Variants in COMMD5 observed in about 807,000 individuals in gnomAD.
COMMD5 encodes COMM domain containing 5, also known as COMM domain-containing protein 5.
Under a neutral mutation model 6.9 loss-of-function variants are expected in COMMD5, and 10 were observed. The observed-to-expected ratio is 1.44, with a 90% CI of 0.89 to 2.45. The LOEUF (loss-of-function observed/expected upper bound fraction) is 2.45, where lower values mean the gene tolerates loss of function less well. COMMD5 is among the 30% of genes most tolerant of loss of function. COMMD5 has a pLI of 0.00. For missense variants in COMMD5, 234 were observed against 287.8 expected (o/e 0.81, Z 1.35); for synonymous variants, 127 against 125.3 (o/e 1.01, Z -0.09).
At chr8:144,843,076 A>C in intron 1 of COMMD5, 1 of 1,613,976 alleles carries the variant, frequency 6.2e-7, no homozygotes, top group Non-Finnish European at 8.5e-7. Context: ...GAGAATTCAC[A>C]CCGGGGAGAA....
chr8:144,842,874 C>T, intron 1 of COMMD5: 1 of 1,614,196 alleles, frequency 6.2e-7, no homozygotes, highest in Non-Finnish European at 8.5e-7. Context: ...GTGGAAAAGC[C>T]TTCAGCCGGA....
At chr8:144,845,900 C>A, downstream of COMMD5, 1 of 1,419,972 alleles carries the variant, frequency 7.0e-7, no homozygotes, top group Admixed American at 2.1e-5. Context: ...TGAGAAGGGT[C>A]TTGGCAGGTA....
chr8:144,843,318 G>A lies in COMMD5; in HGVS notation c.*117-1575C>T, dbSNP rs555157298. Reference sequence around the variant, plus strand: ...GAATATCCAACTTCAGGCCGAGTGTGGTGGCTTATGCCTGTCATCCCAGCA... The same window carrying A: ...GAATATCCAACTTCAGGCCGAGTGTAGTGGCTTATGCCTGTCATCCCAGCA... On this transcript the variant is annotated intron_variant and NMD_transcript_variant, in intron 1 of 1. Coordinates refer to the COMMD5 transcript ENST00000530332. The A allele has an allele frequency of 1.9e-3, 1,971 of 1,028,602 alleles. 7 individuals are homozygous for A. The highest frequency in any genetic ancestry group is 2.4e-3 in the Non-Finnish European group (1,779 of 734,716). The allele number at this position is 1,028,602 out of a possible 1,614,324, so 63.7% of individuals were successfully genotyped here.
At chr8:144,841,238 C>T in exon 2 of COMMD5, 1 of 1,047,882 alleles carries the variant, frequency 9.5e-7, no homozygotes, top group South Asian at 1.6e-5. Flanking sequence ...CACCTGGGGC[C>T]TCACAGTGCT....
rs1830715495 is a variant in COMMD5 at position 144,851,009 on chromosome 8, C to T, written c.330G>A (p.Arg110=). The T allele has an allele frequency of 1.2e-6, 2 of 1,612,510 alleles. No homozygotes were observed. Among genetic ancestry groups the T allele is most frequent in the Non-Finnish European group, 1.7e-6 (2 of 1,179,758 alleles). Residue 110 remains arginine (R), a synonymous_variant, in exon 2 of 2, where the codon AGG becomes AGA. Transcript: ENST00000305103. ...PPTSLKPDTF[R]DQLQELCIPQ... is the part of the protein sequence containing the mutation. ...GGATGCAGAGCTCCTGGAGCTGGTC[C>T]CTGAAGGTGTCAGGCTTCAGGCTGG... is the stretch of plus-strand genomic sequence containing the variant.
chr8:144,843,438 T>C (rs551460076), intron 1 of COMMD5: 4 of 275,424 alleles, frequency 1.5e-5, no homozygotes, highest in African/African-American at 4.4e-5. Context: ...AATACAAAAA[T>C]TTAGCTGGGC....
At chr8:144,844,593 T>C (rs1830389232) in intron 1 of COMMD5, among the ~76,000 whole-genome samples, 1 of 151,096 alleles carries the variant, frequency 6.6e-6, no homozygotes, top group Admixed American at 6.6e-5. Flanking sequence ...ACCTGTAGTC[T>C]CAGCTACTTG....
downstream of COMMD5, among the ~76,000 whole-genome samples, chr8:144,845,485 T>C (rs1179468782): frequency 6.6e-6 from 1 of 152,174 alleles, no homozygotes; most frequent in Non-Finnish European, 1.5e-5. Context: ...GCGTGGCTGA[T>C]GGCAGGTGGC....
intron 1 of COMMD5, among the ~76,000 whole-genome samples, chr8:144,844,438 T>C (rs143985564): frequency 0.016 from 2,375 of 151,960 alleles, 67 homozygotes; most frequent in African/African-American, 0.054. Flanking sequence ...GGGCCGGGCG[T>C]GGTGGCTCAC....
At chr8:144,843,382 G>A (rs1490962636) in intron 1 of COMMD5, 7 of 499,916 alleles carry the variant, frequency 1.4e-5, no homozygotes, top group Non-Finnish European at 2.4e-5. Context: ...GAGGTCAGGA[G>A]GTTGAGACCA....
chr8:144,851,487 G>T lies in COMMD5; in HGVS notation c.-57-92C>A, dbSNP rs1180125950. 1.0e-5 allele frequency: 9 copies of T among 867,130 alleles called. No individual in the cohort carries two copies. The African/African-American group carries it at 1.5e-4, about 15-fold the overall frequency. 53.7% of individuals were successfully genotyped at this position (867,130 alleles called of 1,614,324 possible). On this transcript the variant is annotated intron_variant, in intron 1 of 1. Transcript: ENST00000305103. ...ATATGGTCCCCATCATCAGCATGCT[G>T]ACAGTGTGAACTACCAATGACAGTC...
downstream of COMMD5, among the ~76,000 whole-genome samples, chr8:144,845,329 G>C (rs80329884): frequency 6.6e-6 from 1 of 152,044 alleles, no homozygotes; most frequent in Non-Finnish European, 1.5e-5. Flanking sequence ...TGAGAAACTC[G>C]GAGGTGAGGA....
chr8:144,848,553 G>A (rs572451283), downstream of COMMD5, among the ~76,000 whole-genome samples: 11 of 152,090 alleles, frequency 7.2e-5, no homozygotes, highest in African/African-American at 2.4e-4. Flanking sequence ...TTTACGTATT[G>A]TGTGACTGCT....
chr8:144,843,527 G>C (rs932559953), intron 1 of COMMD5: 2 of 154,952 alleles, frequency 1.3e-5, no homozygotes, highest in African/African-American at 5.1e-5. Context: ...GGCGGAGCTT[G>C]CAGTGAGCTG....
chr8:144,847,410 T>G (rs935800368), downstream of COMMD5: 4 of 152,176 alleles, frequency 2.6e-5, no homozygotes, highest in African/African-American at 9.7e-5. Context: ...ACCACTGCAC[T>G]CTAGCCTGGG....
chr8:144,845,972 A>T, downstream of COMMD5: 1 of 1,536,186 alleles, frequency 6.5e-7, no homozygotes, highest in Non-Finnish European at 8.7e-7. Flanking sequence ...CTTTTTCTCT[A>T]CTTCAGGCTT....
chr8:144,841,235 G>C, exon 2 of COMMD5: 1 of 994,122 alleles, frequency 1.0e-6, no homozygotes, highest in East Asian at 2.4e-5. Flanking sequence ...TTCCACCTGG[G>C]GCCTCACAGT....
At chr8:144,846,177 G>A, downstream of COMMD5, 6 of 1,536,034 alleles carry the variant, frequency 3.9e-6, no homozygotes, top group Non-Finnish European at 5.2e-6. Flanking sequence ...TGGATGGTCT[G>A]AAAATTCCAG....
downstream of COMMD5, among the ~76,000 whole-genome samples, chr8:144,839,858 C>T (rs141921168): frequency 3.1e-3 from 469 of 152,338 alleles, 1 homozygote; most frequent in Non-Finnish European, 5.6e-3. Flanking sequence ...TGACCACCAC[C>T]GTGCCCCCTG....
Sources: gnomAD v4.1 joint callset for allele counts (sites outside exome capture counted in the v4.1 genomes callset) on GRCh38, gnomAD v4.1.1 for gene constraint, MANE v1.5 for transcripts, NCBI Gene and HGNC (gene_info 2026-07-23, HGNC 2026-07-21) for gene names.